Variants in USP25 observed in about 807,000 individuals in gnomAD.
USP25 encodes ubiquitin specific peptidase 25.
A neutral mutation model predicts 158.5 loss-of-function variants in USP25; 85 were observed. The observed-to-expected ratio is 0.54, with a 90% CI of 0.45 to 0.64. The LOEUF is 0.64. USP25 is among the 30% of genes least tolerant of loss of function. USP25 has a pLI of 0.00. For missense variants in USP25, 1,242 were observed against 1,327.3 expected (o/e 0.94, Z 1.00); for synonymous variants, 464 against 460.4 (o/e 1.01, Z -0.10).
chr21:15,870,437 G>C (rs952083578), intron 23 of USP25, among the ~76,000 whole-genome samples: 1 of 152,118 alleles, frequency 6.6e-6, no homozygotes, highest in Non-Finnish European at 1.5e-5. Flanking sequence ...TTGATATCAA[G>C]TCAGAGATAG....
Position 15,877,873 on chromosome 21 carries a change from T to G in USP25, c.3087T>G (p.Asn1029Lys). The change falls in exon 25 of 26, where the codon AAT (asparagine) becomes AAG (lysine). Residue 1029 changes from asparagine to lysine, a missense_variant. Physicochemically the swap from Asn to Lys is moderately conservative, Grantham distance 94 (BLOSUM62 0). This residue lies in a region of USP25 where 608 missense variants were observed against 605.2 expected (regional missense o/e 1.00). Coordinates refer to ENST00000400183, the MANE Select transcript of USP25 (RefSeq NM_001283041.3). The part of the protein sequence containing the change: ...REVNNGLIIM[N>K]EFIVPFLPLL... ...TAAACAATGGTTTGATTATCATGAA[T>G]GAGTTTATTGTCCCATTTTTGCCAT... The G allele has an allele frequency of 6.2e-7, 1 of 1,613,450 alleles. No homozygotes were observed. Among genetic ancestry groups the G allele is most frequent in the Non-Finnish European group, 8.5e-7 (1 of 1,179,584 alleles).
In USP25 at chr21:15,766,184, T is replaced by A; in HGVS notation, c.268+43T>A. 6.5e-7 allele frequency: 1 copy of A among 1,541,606 alleles called. No homozygotes were observed. On this transcript the variant is annotated intron_variant, in intron 3 of 25. Transcript: ENST00000400183. The surrounding 1 kb of genome is among the most constrained non-coding windows in gnomAD (Gnocchi z 4.0). ...TCTTATTATTTTAATAGAAACATAC[T>A]GAAAAACTTTTCTTGGTGTAATATA...
chr21:15,856,954 A>C (rs951020265), intron 20 of USP25, among the ~76,000 whole-genome samples: 2 of 152,204 alleles, frequency 1.3e-5, no homozygotes, highest in Admixed American at 6.5e-5. Flanking sequence ...GAAAGTTAAT[A>C]CATTTCCACC....
intron 20 of USP25, 96 bp from the exon 21 acceptor site, chr21:15,864,172 A>T: frequency 1.6e-6 from 2 of 1,270,586 alleles, no homozygotes; most frequent in Non-Finnish European, 2.1e-6. Context: ...AAAAAAAAAA[A>T]GATTTAAATG....
chr21:15,856,468 CT>C (rs1250298138), intron 20 of USP25, among the ~76,000 whole-genome samples: 2 of 149,524 alleles, frequency 1.3e-5, no homozygotes, highest in East Asian at 3.9e-4. Flanking sequence ...TATACTCTTT[CT>C]TTTTTTTTCT....
At chr21:15,806,078 CAG>C (rs10569249) in intron 7 of USP25, among the ~76,000 whole-genome samples, 18,073 of 152,112 alleles carry the variant, frequency 0.12, 3,168 homozygotes, top group African/African-American at 0.39. Context: ...GCACTCACAT[CAG>C]AGTTTCTTTT....
rs149705198 is a variant in USP25, at chr21:15,741,385, T to C, written c.45+10947T>C. 7.3e-3 allele frequency among the ~76,000 whole-genome samples: 1,116 copies of C among 152,144 alleles called. 11 individuals carry two copies. Among genetic ancestry groups the C allele is most frequent in the Middle Eastern group, 0.058 (17 of 294 alleles). ...CGTATTTCTATTTCTCTTGGGCAAA[T>C]ACATAGGTGTAGAATTGTTATAGTA... is the stretch of plus-strand genomic sequence containing the variant. On this transcript the variant is annotated intron_variant, in intron 1 of 25. Transcript: ENST00000400183.
chr21:15,738,832 G>T (rs1210136491), intron 1 of USP25, among the ~76,000 whole-genome samples: 2 of 152,168 alleles, frequency 1.3e-5, no homozygotes, highest in Admixed American at 6.5e-5. Context: ...GACCTAATCA[G>T]TTATGTTATC....
chr21:15,788,314 G>A (rs1226300243), intron 4 of USP25, among the ~76,000 whole-genome samples: 2 of 152,066 alleles, frequency 1.3e-5, no homozygotes, highest in South Asian at 2.1e-4. Flanking sequence ...TGGATTTATG[G>A]TGCCAGTACT....
intron 1 of USP25, among the ~76,000 whole-genome samples, chr21:15,731,245 A>G (rs959730016): frequency 1.3e-5 from 2 of 152,108 alleles, no homozygotes; most frequent in Non-Finnish European, 1.5e-5. Context: ...GTGCACTATC[A>G]TGGCTTGCAC....
intron 2 of USP25, among the ~76,000 whole-genome samples, chr21:15,764,615 GT>G (rs1009042883): frequency 2.7e-4 from 41 of 152,016 alleles, no homozygotes; most frequent in African/African-American, 9.9e-4. Context: ...AATTCCTGCT[GT>G]GTTGTTTTAA....
Position 15,826,908 on chromosome 21 carries a change from T to C in USP25, c.1467-69T>C. 6.5e-7 allele frequency: 1 copy of C among 1,526,774 alleles called. No homozygotes were observed. The highest frequency in any genetic ancestry group is 9.0e-7 in the Non-Finnish European group (1 of 1,115,470). The allele number at this position is 1,526,774 out of a possible 1,614,324, so 94.6% of individuals were successfully genotyped here. A position where few individuals can be genotyped will look rare whatever the true frequency, so the allele number is the denominator to read the frequency against. On this transcript the variant is annotated intron_variant, in intron 13 of 25. Transcript: ENST00000400183. This position sits in a 1 kb window ranked among gnomAD's most constrained non-coding sequence, Gnocchi z 4.8. ...TTACAAGCCAATTTAATACTGTGGG[T>C]TTGGCACGATCTTTGTCAAGAGTTT...
chr21:15,851,533 A>G lies in USP25; in HGVS notation c.2547+1661A>G, dbSNP rs574050831. On this transcript the variant is annotated intron_variant, in intron 20 of 25. Transcript: ENST00000400183. ...ACACACACACACACACACACGTAAAATCTTGTAATTTTGATTATATCAGAA... is the reference window on the plus strand; with the variant it reads ...ACACACACACACACACACACGTAAAGTCTTGTAATTTTGATTATATCAGAA... Among the ~76,000 whole-genome samples the G allele has an allele frequency of 3.3e-5, 5 of 151,742 alleles. No homozygotes were observed. The East Asian group carries it at 9.7e-4, about 29-fold the overall frequency.
At chr21:15,822,114 T>C (rs2037265423) in intron 10 of USP25, among the ~76,000 whole-genome samples, 1 of 151,956 alleles carries the variant, frequency 6.6e-6, no homozygotes. Flanking sequence ...GATATAGTTT[T>C]TTGTTGAATG....
At chr21:15,787,952 A>G (rs9977934) in intron 4 of USP25, among the ~76,000 whole-genome samples, 5,083 of 137,524 alleles carry the variant, frequency 0.037, 316 homozygotes, top group African/African-American at 0.12. Flanking sequence ...TGGAAACATG[A>G]TGATCTACCA....
chr21:15,870,190 A>G (rs112248607), intron 23 of USP25, 43 bp downstream of exon 23: 1 of 1,438,348 alleles, frequency 7.0e-7, no homozygotes, highest in Non-Finnish European at 9.7e-7. Context: ...TAATTTTTGC[A>G]CTTAATTCTA....
chr21:15,776,698 A>G (rs995512274), intron 3 of USP25, among the ~76,000 whole-genome samples: 6 of 152,054 alleles, frequency 3.9e-5, no homozygotes, highest in Admixed American at 1.3e-4. Context: ...AAAGAAAATT[A>G]GCCAAGTGGT....
rs550365779 is a variant in USP25 at position 15,825,512 on chromosome 21, TG to T, written c.1304+452del. Among the ~76,000 whole-genome samples, 719 of 152,286 alleles carry T rather than the reference TG, an allele frequency of 4.7e-3. 4 individuals are homozygous for T. Among genetic ancestry groups the T allele is most frequent in the Non-Finnish European group, 7.2e-3 (490 of 68,026 alleles). ...TGTGCCGGGAGCCTAGAGAGCAATC[TG>T]TGTGTACAGGGAATGAATGCCATTC... On this transcript the variant is annotated intron_variant, in intron 12 of 25. Transcript: ENST00000400183.
At chr21:15,782,232 A>T (rs938740506) in intron 4 of USP25, among the ~76,000 whole-genome samples, 1 of 152,156 alleles carries the variant, frequency 6.6e-6, no homozygotes, top group Non-Finnish European at 1.5e-5. Context: ...ACCCCAAGGG[A>T]GAGAGTAGTA....
Sources: allele counts gnomAD v4.1 joint callset (sites outside exome capture counted in the v4.1 genomes callset), GRCh38; gene constraint gnomAD v4.1.1; regional missense constraint gnomAD v4.1.1; non-coding constraint Gnocchi (gnomAD v3.1); transcripts MANE v1.5; gene names NCBI Gene and HGNC (gene_info 2026-07-23, HGNC 2026-07-21).